Variants in RPS6KA3 observed in about 807,000 individuals in gnomAD.
RPS6KA3 encodes ribosomal protein S6 kinase alpha-3.
RPS6KA3 carries 4 observed loss-of-function variants against 67.2 expected under a neutral mutation model. That is an observed-to-expected ratio of 0.06 (90% CI 0.03 to 0.14). The LOEUF is 0.14. Ranked by LOEUF, RPS6KA3 falls within the 10% of genes least tolerant of loss-of-function variation. The pLI is 1.00. For missense variants in RPS6KA3, 204 were observed against 559.0 expected (o/e 0.36, Z 6.40); for synonymous variants, 182 against 183.7 (o/e 0.99, Z 0.07).
intron 3 of RPS6KA3, among the ~76,000 whole-genome samples, chrX:20,205,323 G>A (rs868205179): frequency 8.9e-5 from 10 of 112,457 alleles, no homozygotes; most frequent in Middle Eastern, 4.2e-3. Flanking sequence ...TCCACAGGTG[G>A]GAAGAAGAGA....
chrX:20,197,122 G>C (rs2068295238), intron 4 of RPS6KA3, among the ~76,000 whole-genome samples: 1 of 112,516 alleles, frequency 8.9e-6, no homozygotes, highest in Admixed American at 9.3e-5. Flanking sequence ...TTACAGGCAC[G>C]GGCCACCACG....
In RPS6KA3 at chrX:20,260,230, G is replaced by A. The variant is rs181274714; in HGVS notation, c.69+6334C>T. ...TAAACTGACTTTAACCATTTCTTCA[G>A]GGACACATTATCTTCAAGAGGTAGA... On this transcript the variant is annotated intron_variant, in intron 1 of 21. Transcript: ENST00000379565. 1.6e-3 allele frequency among the ~76,000 whole-genome samples: 176 copies of A among 111,331 alleles called. 1 individual carries two copies. The highest frequency in any genetic ancestry group is 9.5e-3 in the Middle Eastern group (2 of 210).
intron 2 of RPS6KA3, among the ~76,000 whole-genome samples, chrX:20,210,386 C>A (rs981025494): frequency 8.9e-6 from 1 of 111,942 alleles, no homozygotes; most frequent in Admixed American, 9.5e-5. Context: ...TGCGTAAGTA[C>A]TGTTAGTAGA....
At chrX:20,166,616 T>C (rs776790728) in intron 17 of RPS6KA3, among the ~76,000 whole-genome samples, 25 of 110,480 alleles carry the variant, frequency 2.3e-4, no homozygotes, top group Non-Finnish European at 9.5e-5. Flanking sequence ...AAATTGTTTA[T>C]TTTCCCCTTG....
At chrX:20,166,790 T>G (rs963304978) in intron 17 of RPS6KA3, among the ~76,000 whole-genome samples, 2 of 98,386 alleles carry the variant, frequency 2.0e-5, no homozygotes, top group Non-Finnish European at 4.0e-5. Flanking sequence ...CAATTTCAAC[T>G]CACTGCAACC....
chrX:20,201,610 T>G (rs2068435209), intron 4 of RPS6KA3, among the ~76,000 whole-genome samples: 2 of 111,400 alleles, frequency 1.8e-5, no homozygotes, highest in Admixed American at 1.9e-4. Context: ...TAGTTGGAAT[T>G]ATATTGCAAG....
chrX:20,225,321 G>A (rs773479821), intron 2 of RPS6KA3, among the ~76,000 whole-genome samples: 99 of 100,724 alleles, frequency 9.8e-4, no homozygotes, highest in Non-Finnish European at 1.8e-3. Flanking sequence ...AAATAGCCCT[G>A]AAAGACAGCC....
chrX:20,256,168 G>A (rs1425947199), intron 1 of RPS6KA3, among the ~76,000 whole-genome samples: 3 of 36,350 alleles, frequency 8.3e-5, no homozygotes, highest in Non-Finnish European at 1.2e-4. Context: ...GTGAGACACC[G>A]TCTCAAAAAA....
chrX:20,176,445 T>C lies in RPS6KA3; in HGVS notation c.988A>G (p.Ile330Val). The change falls in exon 12 of 22, where the codon ATA becomes GTA. Residue 330 changes from isoleucine to valine, a missense_variant. By Grantham distance (29) the Ile-to-Val change is conservative (BLOSUM62 3). This residue lies in a region of RPS6KA3 where 76 missense variants were observed against 250.3 expected (regional missense o/e 0.30). Transcript: ENST00000379565. ...CATTCTATACTTACATTCCAGTCTA[T>C]CGTTGAGAAAAATGAATGTCTTTTA... ...EIKRHSFFST[I>V]DWNKLYRREI... is the part of the protein sequence containing the mutation. 12 of 1,188,963 alleles carry C rather than the reference T, an allele frequency of 1.0e-5. No individual in the cohort carries two copies. Among genetic ancestry groups the C allele is most frequent in the Non-Finnish European group, 1.4e-5 (12 of 875,177 alleles).
At chrX:20,161,856 T>G (rs1047221638) in intron 19 of RPS6KA3, 95 bp from the exon 20 acceptor site, 1 of 226,701 alleles carries the variant, frequency 4.4e-6, no homozygotes, top group East Asian at 1.2e-4. Context: ...TAATATTTTA[T>G]TAAAATCTAC....
At chrX:20,175,378 G>A in intron 13 of RPS6KA3, 90 bp from the exon 14 acceptor site, 2 of 956,709 alleles carry the variant, frequency 2.1e-6, no homozygotes, top group Non-Finnish European at 3.0e-6. Flanking sequence ...CACTTATTCT[G>A]GAATTCTATT....
Position 20,234,758 on chromosome X carries a change from A to G in RPS6KA3, c.126T>C (p.Thr42=). The G allele has an allele frequency of 8.7e-7, 1 of 1,154,147 alleles. No individual in the cohort carries two copies. Among genetic ancestry groups the G allele is most frequent in the Non-Finnish European group, 1.2e-6 (1 of 843,214 alleles). ...PMGEEEINPQ[T]EEVSIKEIAI... is the part of the protein sequence containing the mutation. ...CTTTGTGATAAAATATTTTACTTACAGTTTGTGGGTTAATCTCCTCCTCTC... is the reference window on the plus strand; with the variant it reads ...CTTTGTGATAAAATATTTTACTTACGGTTTGTGGGTTAATCTCCTCCTCTC... The change falls in exon 2 of 22, where the codon ACT becomes ACC. Residue 42 remains threonine (T), a splice_region_variant and synonymous_variant. Transcript: ENST00000379565.
rs184558895 is a variant in RPS6KA3 at position 20,162,597 on chromosome X, A to T, written c.1841+367T>A. Among the ~76,000 whole-genome samples the T allele has an allele frequency of 2.7e-5, 3 of 110,228 alleles. No individual in the cohort carries two copies. The East Asian group carries it at 8.5e-4, about 31-fold the overall frequency. ...AGTGGCTCATGCCTGTAATCTCAGC[A>T]CTTTGGGAGGCCAAGACAGGAGGAT... On this transcript the variant is annotated intron_variant, in intron 19 of 21. Transcript: ENST00000379565.
intron 1 of RPS6KA3, among the ~76,000 whole-genome samples, chrX:20,260,372 G>A (rs947574915): frequency 3.6e-5 from 4 of 111,643 alleles, no homozygotes; most frequent in Non-Finnish European, 5.7e-5. Context: ...ACATCCCATG[G>A]ACTGTGAGAC....
chrX:20,252,241 T>C (rs2069893255), intron 1 of RPS6KA3, among the ~76,000 whole-genome samples: 2 of 112,046 alleles, frequency 1.8e-5, no homozygotes, highest in African/African-American at 6.5e-5. Flanking sequence ...ATTTTTGTGA[T>C]GGCTGCTTTA....
chrX:20,158,511 T>C (rs1233382521), intron 20 of RPS6KA3, among the ~76,000 whole-genome samples: 1 of 110,527 alleles, frequency 9.0e-6, no homozygotes, highest in African/African-American at 3.3e-5. Context: ...GAGACATTTA[T>C]GGTTTCTTAC....
chrX:20,199,882 A>G (rs1288534722), intron 4 of RPS6KA3, among the ~76,000 whole-genome samples: 1 of 112,403 alleles, frequency 8.9e-6, no homozygotes, highest in Non-Finnish European at 1.9e-5. Flanking sequence ...TATCTGGTAG[A>G]AAATTCTTTC....
Position 20,175,265 on chromosome X carries a change from C to T in RPS6KA3, c.1126G>A (p.Ala376Thr). The T allele has an allele frequency of 8.3e-7, 1 of 1,209,549 alleles. No individual in the cohort carries two copies. Among genetic ancestry groups the T allele is most frequent in the Non-Finnish European group, 1.1e-6 (1 of 893,419 alleles). ...PKDSPGIPPS[A>T]NAHQLFRGFS... Reference sequence around the variant, plus strand: ...CCCCGAAAAAGCTGATGTGCATTAGCACTAGGTGGAATGCCAGGTGAATCT... The same window carrying T: ...CCCCGAAAAAGCTGATGTGCATTAGTACTAGGTGGAATGCCAGGTGAATCT... The change falls in exon 14 of 22, where the codon GCT becomes ACT. Residue 376 changes from alanine to threonine, a missense_variant. Physicochemically the swap from Ala to Thr is moderately conservative, Grantham distance 58. This residue lies in a region of RPS6KA3 where 76 missense variants were observed against 250.3 expected (regional missense o/e 0.30). Transcript: ENST00000379565.
chrX:20,204,038 C>T lies in RPS6KA3; in HGVS notation c.309G>A (p.Lys103=). 8.3e-7 allele frequency: 1 copy of T among 1,204,527 alleles called. No individual in the cohort carries two copies. The highest frequency in any genetic ancestry group is 1.1e-6 in the Non-Finnish European group (1 of 888,902). ...AACACTTACCTTTCAGTGTGGCCTT[C>T]TTCAATACCTTCATGGCATAAAGCT... ...ARQLYAMKVL[K]KATLKVRDRV... is the part of the protein sequence containing the mutation. Residue 103 remains lysine (K), a synonymous_variant, in exon 4 of 22, where the codon AAG becomes AAA. Transcript: ENST00000379565.
Sources: allele counts gnomAD v4.1 joint callset (sites outside exome capture counted in the v4.1 genomes callset), GRCh38; gene constraint gnomAD v4.1.1; regional missense constraint gnomAD v4.1.1; transcripts MANE v1.5; gene names NCBI Gene and HGNC (gene_info 2026-07-23, HGNC 2026-07-21).